The following AP3B2 variants were observed in gnomAD, a reference collection of about 807,000 sequenced individuals.
AP3B2 encodes adaptor related protein complex 3 subunit beta 2.
AP3B2 carries 50 observed loss-of-function variants against 126.9 expected under a neutral mutation model. The ratio of observed to expected loss-of-function variants is 0.39; its 90% confidence interval spans 0.31 to 0.50. The LOEUF is 0.50. AP3B2 is among the 20% of genes least tolerant of loss of function. The pLI, the probability that AP3B2 is intolerant of heterozygous loss-of-function variation, is 0.79. For missense variants in AP3B2, 1,177 were observed against 1,426.4 expected (o/e 0.83, Z 2.82); for synonymous variants, 541 against 565.0 (o/e 0.96, Z 0.60).
At position 82,680,321 on chromosome 15, in the gene AP3B2, G is replaced by C; in HGVS notation, c.1056-92C>G. On this transcript the variant is annotated intron_variant, in intron 8 of 26. Coordinates refer to ENST00000535359, the MANE Select transcript of AP3B2 (RefSeq NM_001278512.2). This position sits in a 1 kb window ranked among gnomAD's most constrained non-coding sequence, Gnocchi z 6.1. ...AAAAGGTGGGGCAAGTCGTTGCGGG[G>C]AGAGGACCAGTGCGGAGGGCAGGAC... is the stretch of plus-strand genomic sequence containing the variant. The C allele has an allele frequency of 6.3e-7, 1 of 1,578,000 alleles. No homozygotes were observed. Among genetic ancestry groups the C allele is most frequent in the Non-Finnish European group, 8.6e-7 (1 of 1,158,796 alleles).
chr15:82,664,466 T>C lies in AP3B2; in HGVS notation c.2162A>G (p.Asp721Gly), dbSNP rs2151429027. The change falls in exon 19 of 27, where the codon GAC (aspartate) becomes GGC (glycine). Residue 721 changes from aspartate (D) to glycine (G), a missense_variant. Around this residue, in one of 5 missense-constraint regions of AP3B2, gnomAD observed 587 missense variants for 571.3 expected, o/e 1.03. Transcript: ENST00000535359. This position sits in a 1 kb window ranked among gnomAD's most constrained non-coding sequence, Gnocchi z 4.5. Reference protein sequence around the residue: ...DSDPESESESDSKSSSESGSG... With the variant: ...DSDPESESESGSKSSSESGSG... ...GCCGCTCTCACTGCTGCTCTTACTG[T>C]CCGATTCACTCTCAGACTCAGGGTC... 2.5e-6 allele frequency: 4 copies of C among 1,613,744 alleles called. No homozygotes were observed. Among genetic ancestry groups the C allele is most frequent in the Non-Finnish European group, 3.4e-6 (4 of 1,179,800 alleles).
In AP3B2 at chr15:82,664,357, C is replaced by T. The variant is rs775997418; in HGVS notation, c.2261+10G>A. 9.3e-6 allele frequency: 15 copies of T among 1,613,694 alleles called. No homozygotes were observed. The highest frequency in any genetic ancestry group is 1.3e-5 in the Non-Finnish European group (15 of 1,179,866). ...AACCCCACCAGCCATCTGGCTAGCT[C>T]CCTTCTCACCTCTCACTGCCTCTCC... On this transcript the variant is annotated intron_variant, in intron 19 of 26. Coordinates refer to ENST00000535359, the MANE Select transcript of AP3B2 (RefSeq NM_001278512.2). The surrounding 1 kb of genome is among the most constrained non-coding windows in gnomAD (Gnocchi z 4.5).
rs750101148 is a variant in AP3B2, at chr15:82,664,444, G to A, written c.2184C>T (p.Ser728=). ...ACTCACTGCTGGACTCCCCAGAGCC[G>A]CTCTCACTGCTGCTCTTACTGTCCG... ...SESDSKSSSE[S]GSGESSSESD... The change falls in exon 19 of 27, where the codon AGC becomes AGT. Residue 728 remains serine (S), a synonymous_variant. Coordinates refer to ENST00000535359, the MANE Select transcript of AP3B2 (RefSeq NM_001278512.2). This position sits in a 1 kb window ranked among gnomAD's most constrained non-coding sequence, Gnocchi z 4.5. 4 of 1,613,806 alleles carry A rather than the reference G, an allele frequency of 2.5e-6. No individual in the cohort carries two copies. Among genetic ancestry groups the A allele is most frequent in the Non-Finnish European group, 2.5e-6 (3 of 1,179,858 alleles).
At chr15:82,702,970 C>T (rs1031172784) in intron 1 of AP3B2, among the ~76,000 whole-genome samples, 2 of 152,170 alleles carry the variant, frequency 1.3e-5, no homozygotes, top group African/African-American at 4.8e-5. Flanking sequence ...CTCACTATCC[C>T]TCAACCTCTT....
At chr15:82,671,028 A>G (rs1210910374) in intron 14 of AP3B2, among the ~76,000 whole-genome samples, 1 of 152,242 alleles carries the variant, frequency 6.6e-6, no homozygotes, top group Non-Finnish European at 1.5e-5. Flanking sequence ...TCATGCCTGT[A>G]ATCCCAGTAC....
At chr15:82,689,588 CA>C (rs2048489557) in intron 1 of AP3B2, 135 bp from the exon 2 acceptor site, 4 of 712,450 alleles carry the variant, frequency 5.6e-6, no homozygotes, top group Admixed American at 2.4e-5. Context: ...GGACCAGAGC[CA>C]GGGGGAACAA....
rs1229121918 is a variant in AP3B2 at position 82,664,262 on chromosome 15, G to A, written c.2261+105C>T. 1.5e-5 allele frequency: 24 copies of A among 1,562,272 alleles called. No homozygotes were observed. The highest frequency in any genetic ancestry group is 2.3e-5 in the South Asian group (2 of 87,844). On this transcript the variant is annotated intron_variant, in intron 19 of 26. Transcript: ENST00000535359. The surrounding 1 kb of genome is among the most constrained non-coding windows in gnomAD (Gnocchi z 4.5). Reference sequence around the variant, plus strand: ...GAGCTGACAGCCCCACCCAGCTCACGAGGGGCTCAGGGGCTCTTAGGAGAC... The same window carrying A: ...GAGCTGACAGCCCCACCCAGCTCACAAGGGGCTCAGGGGCTCTTAGGAGAC...
At chr15:82,689,674 T>C in intron 1 of AP3B2, 2 of 576,130 alleles carry the variant, frequency 3.5e-6, no homozygotes, top group South Asian at 4.1e-5. Flanking sequence ...AAAAAGGATA[T>C]ATTTAAGTCT....
At chr15:82,678,252 C>T (rs917518130) in intron 10 of AP3B2, 85 bp from the exon 11 acceptor site, 11 of 1,294,690 alleles carry the variant, frequency 8.5e-6, no homozygotes, top group African/African-American at 1.5e-5. Context: ...CTTCATAGAC[C>T]AGAAAACAAT....
intron 10 of AP3B2, 39 bp from the exon 11 acceptor site, chr15:82,678,206 G>A: frequency 1.3e-6 from 2 of 1,594,450 alleles, no homozygotes; most frequent in Non-Finnish European, 1.7e-6. Context: ...TGGGTGGGTT[G>A]GCCAGTGGAC....
At chr15:82,677,489 C>A in intron 12 of AP3B2, 106 bp from the exon 13 acceptor site, 1 of 1,374,916 alleles carries the variant, frequency 7.3e-7, no homozygotes, top group Non-Finnish European at 1.0e-6. Flanking sequence ...TTCTCTCAAC[C>A]CCCTTCAGTT....
At position 82,680,212 on chromosome 15, in the gene AP3B2, A is replaced by T. The variant is rs368897675; in HGVS notation, c.1073T>A (p.Val358Glu). Residue 358 changes from valine to glutamate, a missense_variant, in exon 9 of 27, where the codon GTG becomes GAG. Coordinates refer to ENST00000535359, the MANE Select transcript of AP3B2 (RefSeq NM_001278512.2). The surrounding 1 kb of genome is among the most constrained non-coding windows in gnomAD (Gnocchi z 6.1). ...GGACATGGTGGCCACGTTCTGGAGC[A>T]CAACGTACTGCACCTCACTGCGGAG... ...LRSHSEVQYV[V>E]LQNVATMSIK... 3 of 1,613,560 alleles carry T rather than the reference A, an allele frequency of 1.9e-6. No individual in the cohort carries two copies.
rs558600289 is a variant in AP3B2, at chr15:82,680,810, C to T, written c.771+27G>A. 2.5e-6 allele frequency: 4 copies of T among 1,611,846 alleles called. No individual in the cohort carries two copies. Among genetic ancestry groups the T allele is most frequent in the Admixed American group, 3.3e-5 (2 of 59,886 alleles). ...CGCCTCCCCGGGACACACTTCGGCC[C>T]GCTCTGCCTGGGCTGGGCCCACTTA... On this transcript the variant is annotated intron_variant, in intron 7 of 26. Coordinates refer to ENST00000535359, the MANE Select transcript of AP3B2 (RefSeq NM_001278512.2). The surrounding 1 kb of genome is among the most constrained non-coding windows in gnomAD (Gnocchi z 6.1).
Position 82,665,010 on chromosome 15 carries a change from C to A in AP3B2, c.2029-67G>T. 1 of 1,286,722 alleles carries A rather than the reference C, an allele frequency of 7.8e-7. No individual in the cohort carries two copies. Among genetic ancestry groups the A allele is most frequent in the African/African-American group, 1.5e-5 (1 of 67,964 alleles). The allele number at this position is 1,286,722 out of a possible 1,614,324, so 79.7% of individuals were successfully genotyped here. ...GGGGAGAAGGCAGGCAGGCACAAGC[C>A]CTTACCCTTTATTCCACCTCTTTGT... On this transcript the variant is annotated intron_variant, in intron 17 of 26. Transcript: ENST00000535359. The surrounding 1 kb of genome is among the most constrained non-coding windows in gnomAD (Gnocchi z 4.4).
intron 4 of AP3B2, chr15:82,685,954 C>T (rs1318465510): frequency 6.6e-6 from 1 of 152,058 alleles, no homozygotes; most frequent in Non-Finnish European, 1.5e-5. Flanking sequence ...TAGAAAAATG[C>T]CAGCTGTCTG....
intron 4 of AP3B2, chr15:82,688,213 C>G (rs182103803): frequency 2.8e-4 from 151 of 538,514 alleles, no homozygotes; most frequent in African/African-American, 2.6e-3. Context: ...TGTCTTTACC[C>G]TCAAGATGTC....
chr15:82,670,091 AAT>A (rs1456969387), intron 14 of AP3B2, among the ~76,000 whole-genome samples: 2 of 128,516 alleles, frequency 1.6e-5, no homozygotes, highest in African/African-American at 6.1e-5. Context: ...AAAAAAAAAA[AAT>A]CAGTGGCTTT....
chr15:82,691,819 A>G (rs2151452204), intron 1 of AP3B2: 1 of 1,415,928 alleles, frequency 7.1e-7, no homozygotes, highest in South Asian at 1.2e-5. Flanking sequence ...GTGAGTAGCC[A>G]TAGCTGGTGC....
Position 82,680,854 on chromosome 15 carries a change from G to A in AP3B2, c.754C>T (p.Leu252=). 1 of 1,613,816 alleles carries A rather than the reference G, an allele frequency of 6.2e-7. No homozygotes were observed. Among genetic ancestry groups the A allele is most frequent in the South Asian group, 1.1e-5 (1 of 91,072 alleles). ...CCACTTACGTTCTGGGTGGGGCTCA[G>A]GAACTGCGTGCGGGCGTAGCGGGTG... is the stretch of plus-strand genomic sequence containing the variant. ...MLTRYARTQF[L]SPTQNESLLE... is the part of the protein sequence containing the mutation. The change falls in exon 7 of 27, where the codon CTG becomes TTG. Residue 252 remains leucine (L), a synonymous_variant. Coordinates refer to ENST00000535359, the MANE Select transcript of AP3B2 (RefSeq NM_001278512.2). The surrounding 1 kb of genome is among the most constrained non-coding windows in gnomAD (Gnocchi z 6.1).
Sources: allele counts gnomAD v4.1 joint callset (sites outside exome capture counted in the v4.1 genomes callset), GRCh38; gene constraint gnomAD v4.1.1; regional missense constraint gnomAD v4.1.1; non-coding constraint Gnocchi (gnomAD v3.1); transcripts MANE v1.5; gene names NCBI Gene and HGNC (gene_info 2026-07-23, HGNC 2026-07-21).